Variants in ATP7A observed in about 807,000 individuals in gnomAD.
The protein encoded by ATP7A is ATPase copper transporting alpha, also known as copper-transporting ATPase 1.
In ATP7A, 7 loss-of-function variants were observed where a neutral mutation model predicts 83.5. That is an observed-to-expected ratio of 0.08 (90% CI 0.05 to 0.16). ATP7A has a LOEUF of 0.16. Ranked by LOEUF, ATP7A falls within the 10% of genes least tolerant of loss-of-function variation. The pLI is 1.00. For missense variants in ATP7A, 940 were observed against 1,120.8 expected (o/e 0.84, Z 2.30); for synonymous variants, 354 against 395.2 (o/e 0.90, Z 1.24).
At position 77,988,565 on chromosome X, in the gene ATP7A, A is replaced by G. The variant is rs2077651959; in HGVS notation, c.444A>G (p.Leu148=). 8.3e-7 allele frequency: 1 copy of G among 1,209,983 alleles called. No homozygotes were observed. Among genetic ancestry groups the G allele is most frequent in the African/African-American group, 1.7e-5 (1 of 57,264 alleles). Reference sequence around the variant, plus strand: ...AAGAGCTGGTTCCAGAACTCAGTTTAGATACTGGGACACTGGAGAAAAAGT... The same window carrying G: ...AAGAGCTGGTTCCAGAACTCAGTTTGGATACTGGGACACTGGAGAAAAAGT... ...QIKELVPELS[L]DTGTLEKKSG... is the part of the protein sequence containing the mutation. The change falls in exon 3 of 23, where the codon TTA becomes TTG. Residue 148 remains leucine (L), a synonymous_variant. Transcript: ENST00000341514.
chrX:78,038,717 A>G (rs1283716789), intron 17 of ATP7A, 119 bp from the exon 18 acceptor site: 27 of 806,396 alleles, frequency 3.3e-5, no homozygotes, highest in African/African-American at 6.2e-5. Flanking sequence ...GTTGGAGGCT[A>G]TGTTCTAGGA....
At chrX:78,008,389 T>A (rs1346528110) in intron 6 of ATP7A, among the ~76,000 whole-genome samples, 1 of 111,699 alleles carries the variant, frequency 9.0e-6, no homozygotes, top group Non-Finnish European at 1.9e-5. Flanking sequence ...CATTTTATAA[T>A]TTAACGCCCA....
At chrX:77,987,313 C>A (rs1557231452) in intron 2 of ATP7A, among the ~76,000 whole-genome samples, 1 of 111,171 alleles carries the variant, frequency 9.0e-6, no homozygotes, top group Non-Finnish European at 1.9e-5. Context: ...CTCGTATGAT[C>A]CTTGTAATAG....
At chrX:78,040,017 A>G (rs782267796) in intron 18 of ATP7A, among the ~76,000 whole-genome samples, 1 of 111,443 alleles carries the variant, frequency 9.0e-6, no homozygotes, top group African/African-American at 3.3e-5. Context: ...TCTAGTTGTG[A>G]GATTAATTCC....
At chrX:77,976,731 T>C (rs1290737833) in intron 2 of ATP7A, among the ~76,000 whole-genome samples, 3 of 112,728 alleles carry the variant, frequency 2.7e-5, no homozygotes, top group South Asian at 3.6e-4. Flanking sequence ...CTCTACACTC[T>C]GATTAGCTAA....
At chrX:77,917,922 G>A (rs1603369300) in intron 1 of ATP7A, among the ~76,000 whole-genome samples, 1 of 112,105 alleles carries the variant, frequency 8.9e-6, no homozygotes, top group South Asian at 3.7e-4. Context: ...TTTGTAACCT[G>A]TGTTAGTACT....
At chrX:77,920,484 T>G (rs1404220094) in intron 1 of ATP7A, among the ~76,000 whole-genome samples, 1 of 111,262 alleles carries the variant, frequency 9.0e-6, no homozygotes, top group Non-Finnish European at 1.9e-5. Flanking sequence ...CCCAAAGTGC[T>G]GGGATTACAG....
Position 78,014,739 on chromosome X carries a change from T to C in ATP7A, c.2484T>C (p.Asp828=). The C allele has an allele frequency of 8.3e-7, 1 of 1,198,968 alleles. No homozygotes were observed. Among genetic ancestry groups the C allele is most frequent in the Non-Finnish European group, 1.1e-6 (1 of 884,718 alleles). ...TEATIVTLDS[D]NILLSEEQVD... is the part of the protein sequence containing the mutation. Reference sequence around the variant, plus strand: ...CAACTATTGTAACTCTTGATTCTGATAATATCCTCCTCAGGTATTTATCTT... The same window carrying C: ...CAACTATTGTAACTCTTGATTCTGACAATATCCTCCTCAGGTATTTATCTT... Residue 828 remains aspartate (D), a synonymous_variant, in exon 11 of 23, where the codon GAT becomes GAC. Coordinates refer to ENST00000341514, the MANE Select transcript of ATP7A (RefSeq NM_000052.7).
chrX:78,006,159 G>A (rs988171955), intron 6 of ATP7A, among the ~76,000 whole-genome samples: 3 of 112,171 alleles, frequency 2.7e-5, no homozygotes, highest in African/African-American at 9.7e-5. Flanking sequence ...ATGTATTGCT[G>A]GTGGTGTGTA....
intron 16 of ATP7A, among the ~76,000 whole-genome samples, chrX:78,032,320 C>T (rs904470827): frequency 7.2e-5 from 8 of 111,023 alleles, no homozygotes; most frequent in Non-Finnish European, 1.1e-4. Context: ...TCTGTCTCTA[C>T]ATTAAATGCC....
Position 78,036,230 on chromosome X carries a change from G to C in ATP7A, c.3511+2409G>C, listed in dbSNP as rs782228311. On this transcript the variant is annotated intron_variant, in intron 17 of 22. Transcript: ENST00000341514. ...TAGTGCTGTGGAGGAAAATTAAGTGGGGCAAGGGGCATAGGGGTGCTGGGA... is the reference window on the plus strand; with the variant it reads ...TAGTGCTGTGGAGGAAAATTAAGTGCGGCAAGGGGCATAGGGGTGCTGGGA... Among the ~76,000 whole-genome samples, 149 of 111,379 alleles carry C rather than the reference G, an allele frequency of 1.3e-3. 1 individual carries two copies. The highest frequency in any genetic ancestry group is 4.7e-3 in the African/African-American group (143 of 30,674).
chrX:78,004,126 A>C (rs1019024010), intron 6 of ATP7A, among the ~76,000 whole-genome samples: 1 of 111,920 alleles, frequency 8.9e-6, no homozygotes, highest in African/African-American at 3.3e-5. Context: ...TTAACTGACA[A>C]GTAAAGATTT....
At chrX:77,966,912 C>G (rs1428145263) in intron 1 of ATP7A, 6 of 300,049 alleles carry the variant, frequency 2.0e-5, no homozygotes, top group African/African-American at 1.1e-4. Flanking sequence ...CACCCCTCAC[C>G]CCCCAGCAGG....
At chrX:78,044,153 C>T (rs781894333) in intron 21 of ATP7A, among the ~76,000 whole-genome samples, 2 of 104,412 alleles carry the variant, frequency 1.9e-5, no homozygotes, top group Admixed American at 1.1e-4. Flanking sequence ...ACTCGGGAGA[C>T]GGAGGCAGTA....
In ATP7A at chrX:78,038,841, C is replaced by T. The variant is rs1480388236; in HGVS notation, c.3517C>T (p.Leu1173Phe). ...MIIDAQISNALNAQQYKVLIG... is the reference protein window; with the variant it reads ...MIIDAQISNAFNAQQYKVLIG... ...ATTTCTGTGCCTACTTTCAGATGCT[C>T]TTAATGCTCAGCAGTATAAAGTCCT... is the stretch of plus-strand genomic sequence containing the variant. The change falls in exon 18 of 23, where the codon CTT becomes TTT. Residue 1173 changes from leucine to phenylalanine, a missense_variant. Leu to Phe is a conservative substitution (Grantham distance 22, BLOSUM62 0). Transcript: ENST00000341514. 2.5e-6 allele frequency: 3 copies of T among 1,208,872 alleles called. No homozygotes were observed. Among genetic ancestry groups the T allele is most frequent in the African/African-American group, 3.5e-5 (2 of 57,158 alleles).
intron 14 of ATP7A, among the ~76,000 whole-genome samples, chrX:78,024,671 G>C (rs1357155481): frequency 6.1e-4 from 68 of 111,722 alleles, no homozygotes; most frequent in Non-Finnish European, 3.6e-4. Flanking sequence ...GCCTGCTTTG[G>C]TCTGGGGGAA....
chrX:77,972,950 T>A (rs2077557187), intron 2 of ATP7A, among the ~76,000 whole-genome samples: 1 of 108,026 alleles, frequency 9.3e-6, no homozygotes, highest in Non-Finnish European at 1.9e-5. Flanking sequence ...CTAGATATAC[T>A]GTGGTTAAAG....
chrX:77,956,033 G>C (rs2077439417), intron 1 of ATP7A, among the ~76,000 whole-genome samples: 1 of 110,534 alleles, frequency 9.0e-6, no homozygotes, highest in Admixed American at 9.7e-5. Context: ...TTTTGTTTAT[G>C]CATTTATCCA....
chrX:77,924,594 A>G (rs1306562015), intron 1 of ATP7A: 2 of 112,117 alleles, frequency 1.8e-5, no homozygotes, highest in African/African-American at 6.5e-5. Flanking sequence ...GATCTCCCGT[A>G]CATTTCCAGT....
Sources: allele counts gnomAD v4.1 joint callset (sites outside exome capture counted in the v4.1 genomes callset), GRCh38; gene constraint gnomAD v4.1.1; transcripts MANE v1.5; gene names NCBI Gene and HGNC (gene_info 2026-07-23, HGNC 2026-07-21).